The following DLC1 variants were observed in gnomAD, a reference collection of about 807,000 sequenced individuals.
The protein encoded by DLC1 is DLC1 Rho GTPase activating protein.
A neutral mutation model predicts 140.3 loss-of-function variants in DLC1; 54 were observed. The observed-to-expected ratio is 0.38, with a 90% CI of 0.31 to 0.48. The LOEUF is 0.48. Ranked by LOEUF, DLC1 falls within the 20% of genes least tolerant of loss-of-function variation. DLC1 has a pLI of 0.96. For synonymous variants in DLC1, 986 were observed against 728.1 expected, an observed-to-expected ratio of 1.35 and a Z score of -5.70; for missense variants, 2,536 against 1,907.0, an observed-to-expected ratio of 1.33 and a Z score of -6.14.
intron 4 of DLC1, among the ~76,000 whole-genome samples, chr8:13,372,641 C>G (rs1165873938): frequency 1.3e-5 from 2 of 152,090 alleles, no homozygotes; most frequent in African/African-American, 4.8e-5. Flanking sequence ...TCTAACTAAG[C>G]GCTAAACTAT....
intron 5 of DLC1, among the ~76,000 whole-genome samples, chr8:13,267,933 T>C (rs1369049760): frequency 6.6e-6 from 1 of 152,210 alleles, no homozygotes; most frequent in Non-Finnish European, 1.5e-5. Flanking sequence ...ATTTTGATTG[T>C]CTAGAAGTTG....
chr8:13,316,197 A>G (rs1832854274), intron 4 of DLC1, among the ~76,000 whole-genome samples: 1 of 149,842 alleles, frequency 6.7e-6, no homozygotes, highest in South Asian at 2.1e-4. Context: ...CAGCCACTTG[A>G]TCTACTAGCT....
chr8:13,576,106 A>T (rs995730597), intron 1 of DLC1, among the ~76,000 whole-genome samples: 3 of 152,218 alleles, frequency 2.0e-5, no homozygotes, highest in African/African-American at 7.2e-5. Flanking sequence ...CCCTTAGATC[A>T]CACTCTTTAT....
At chr8:13,355,467 G>A (rs992429777) in intron 4 of DLC1, among the ~76,000 whole-genome samples, 1 of 152,204 alleles carries the variant, frequency 6.6e-6, no homozygotes, top group Non-Finnish European at 1.5e-5. Flanking sequence ...GGAAGTTTCA[G>A]ATCAAGGTCT....
chr8:13,126,515 A>G (rs191057711), intron 5 of DLC1, among the ~76,000 whole-genome samples: 20 of 152,362 alleles, frequency 1.3e-4, no homozygotes, highest in Admixed American at 9.2e-4. Flanking sequence ...TGATAACTGC[A>G]TAGATTAAGA....
intron 1 of DLC1, among the ~76,000 whole-genome samples, chr8:13,592,045 T>G (rs937774396): frequency 1.3e-5 from 2 of 152,014 alleles, no homozygotes; most frequent in African/African-American, 4.8e-5. Context: ...TGGAACTGGG[T>G]AAGGTCCTAG....
intron 1 of DLC1, among the ~76,000 whole-genome samples, chr8:13,569,491 C>G (rs528182311): frequency 4.6e-5 from 7 of 152,216 alleles, no homozygotes; most frequent in African/African-American, 1.7e-4. Flanking sequence ...TCTTTGACAT[C>G]TCAATATATT....
intron 1 of DLC1, among the ~76,000 whole-genome samples, chr8:13,588,883 G>A (rs1195857474): frequency 6.6e-6 from 1 of 151,968 alleles, no homozygotes; most frequent in Non-Finnish European, 1.5e-5. Flanking sequence ...CATAGTTTTG[G>A]GATAAGTGAG....
At chr8:13,513,529 C>G (rs1024172404) in intron 1 of DLC1, among the ~76,000 whole-genome samples, 1 of 152,048 alleles carries the variant, frequency 6.6e-6, no homozygotes, top group African/African-American at 2.4e-5. Context: ...AGCTCTCCAT[C>G]TTTCACTTAG....
At chr8:13,355,807 C>T (rs375223203) in intron 4 of DLC1, among the ~76,000 whole-genome samples, 60 of 151,784 alleles carry the variant, frequency 4.0e-4, no homozygotes, top group African/African-American at 1.3e-3. Context: ...ATTTTTGGCT[C>T]AGCATGGTGG....
intron 4 of DLC1, chr8:13,341,590 G>T (rs1041848080): frequency 6.6e-6 from 1 of 152,166 alleles, no homozygotes; most frequent in Non-Finnish European, 1.5e-5. Flanking sequence ...TGGGAGAATC[G>T]CTGCTGGGCT....
At chr8:13,381,249 G>C (rs931985020) in intron 4 of DLC1, among the ~76,000 whole-genome samples, 3 of 152,208 alleles carry the variant, frequency 2.0e-5, no homozygotes, top group African/African-American at 7.2e-5. Context: ...CCCTAGGGTT[G>C]ACTAGAGATA....
chr8:13,361,772 GC>G (rs1835238050), intron 4 of DLC1, among the ~76,000 whole-genome samples: 1 of 152,126 alleles, frequency 6.6e-6, no homozygotes, highest in South Asian at 2.1e-4. Context: ...GTAGAATCAA[GC>G]TTCTTGCTCA....
At chr8:13,152,459 A>G (rs1366872643) in intron 5 of DLC1, among the ~76,000 whole-genome samples, 1 of 152,208 alleles carries the variant, frequency 6.6e-6, no homozygotes, top group African/African-American at 2.4e-5. Flanking sequence ...TATTTAGTGG[A>G]TTATGAATTA....
At chr8:13,360,632 G>T (rs1423413440) in intron 4 of DLC1, among the ~76,000 whole-genome samples, 1 of 151,942 alleles carries the variant, frequency 6.6e-6, no homozygotes, top group Admixed American at 6.6e-5. Context: ...GAATCAGCAA[G>T]GAAAGACTTA....
chr8:13,453,480 G>A (rs867545070), intron 2 of DLC1, among the ~76,000 whole-genome samples: 9 of 18,556 alleles, frequency 4.9e-4, no homozygotes, highest in South Asian at 1.9e-3. Context: ...ACATATATAT[G>A]TATATATATA....
chr8:13,443,412 C>T (rs1166113592), intron 2 of DLC1, among the ~76,000 whole-genome samples: 1 of 149,792 alleles, frequency 6.7e-6, no homozygotes, highest in Non-Finnish European at 1.5e-5. Flanking sequence ...GTAATCCCAG[C>T]ACTTTGGGAG....
chr8:13,271,527 C>T lies in DLC1; in HGVS notation c.1348+33742G>A, dbSNP rs73665929. 6.7e-3 allele frequency among the ~76,000 whole-genome samples: 1,018 copies of T among 152,308 alleles called. 14 individuals are homozygous for T. Among genetic ancestry groups the T allele is most frequent in the African/African-American group, 0.022 (908 of 41,558 alleles). On this transcript the variant is annotated intron_variant, in intron 5 of 17. Coordinates refer to ENST00000276297, the MANE Select transcript of DLC1 (RefSeq NM_182643.3). ...CAAAAGACATATGATCCTGAACACTCCGCAAAATACCTCAGGGGATTTCAA... is the reference window on the plus strand; with the variant it reads ...CAAAAGACATATGATCCTGAACACTTCGCAAAATACCTCAGGGGATTTCAA...
intron 5 of DLC1, among the ~76,000 whole-genome samples, chr8:13,140,191 T>C (rs1220526293): frequency 2.0e-5 from 3 of 152,174 alleles, no homozygotes; most frequent in Non-Finnish European, 4.4e-5. Flanking sequence ...TTAAATATTT[T>C]CTTTCTTTCT....
Sources: gnomAD v4.1 joint callset for allele counts (sites outside exome capture counted in the v4.1 genomes callset) on GRCh38, gnomAD v4.1.1 for gene constraint, MANE v1.5 for transcripts, NCBI Gene and HGNC (gene_info 2026-07-23, HGNC 2026-07-21) for gene names.